The following PCDHGA7 variants were observed in gnomAD, a reference collection of about 807,000 sequenced individuals.
The protein encoded by PCDHGA7 is protocadherin gamma-A7.
In PCDHGA7, 44 loss-of-function variants were observed where a neutral mutation model predicts 58.3. That is an observed-to-expected ratio of 0.75 (90% CI 0.59 to 0.97). PCDHGA7 has a LOEUF of 0.97. Ranked by LOEUF, PCDHGA7 falls within the 50% of genes least tolerant of loss-of-function variation. PCDHGA7 has a pLI of 0.00. For synonymous variants in PCDHGA7, 516 were observed against 504.2 expected (o/e 1.02, Z -0.31); for missense variants, 1,266 against 1,188.7 (o/e 1.06, Z -0.96).
chr5:141,387,670 C>T, intron 1 of PCDHGA7: 1 of 694,130 alleles, frequency 1.4e-6, no homozygotes, highest in Non-Finnish European at 2.3e-6. Flanking sequence ...CGCTCCAGAT[C>T]TCCTCGCGCA....
intron 1 of PCDHGA7, chr5:141,413,154 A>G: frequency 6.3e-7 from 1 of 1,576,026 alleles, no homozygotes; most frequent in Middle Eastern, 1.7e-4. Context: ...AGGACTTTGC[A>G]GAATTCTGTA....
At chr5:141,446,447 A>G (rs2098502204) in intron 1 of PCDHGA7, among the ~76,000 whole-genome samples, 1 of 151,946 alleles carries the variant, frequency 6.6e-6, no homozygotes, top group Non-Finnish European at 1.5e-5. Context: ...AACAGTGCAG[A>G]TATTCAGTGT....
intron 1 of PCDHGA7, chr5:141,423,830 G>A (rs527344048): frequency 5.5e-6 from 7 of 1,273,204 alleles, no homozygotes; most frequent in African/African-American, 3.1e-5. Flanking sequence ...CCTTTCATGA[G>A]ATTACGATAA....
At chr5:141,419,617 C>G (rs780077182) in intron 1 of PCDHGA7, 1 of 1,612,280 alleles carries the variant, frequency 6.2e-7, no homozygotes. Flanking sequence ...AGCCAGGCTA[C>G]CTGGTGACCA....
chr5:141,421,188 C>T lies in PCDHGA7; in HGVS notation c.2424+35865C>T, dbSNP rs1364019876. 2.0e-6 allele frequency: 3 copies of T among 1,471,410 alleles called. No individual in the cohort carries two copies. The South Asian group carries it at 4.0e-5, about 20-fold the overall frequency. The allele number at this position is 1,471,410 out of a possible 1,614,324, so 91.1% of individuals were successfully genotyped here. A position where few individuals can be genotyped will look rare whatever the true frequency, so the allele number is the denominator to read the frequency against. The stretch of plus-strand genomic sequence containing the variant: ...GATACATAAGCCGATTCACAACCAA[C>T]CAGCTCGAGAAACCGCGGAATATCG... On this transcript the variant is annotated intron_variant, in intron 1 of 3. Coordinates refer to ENST00000518325, the MANE Select transcript of PCDHGA7 (RefSeq NM_018920.4).
At chr5:141,400,441 G>T (rs757449650) in intron 1 of PCDHGA7, 29 of 1,613,966 alleles carry the variant, frequency 1.8e-5, no homozygotes, top group Non-Finnish European at 2.1e-5. Flanking sequence ...ATTGAGTTCA[G>T]GACAAGACAT....
rs767577725 is a variant in PCDHGA7 at position 141,485,642 on chromosome 5, G to T, written c.2425-9165G>T. 4.3e-6 allele frequency: 7 copies of T among 1,612,162 alleles called. No homozygotes were observed. The highest frequency in any genetic ancestry group is 1.7e-5 in the Admixed American group (1 of 59,938). ...AGGACAGCGTTTCCCGTTGGAAAAGGCTCAGGATGCAGATGTGGGGAGCAA... is the reference window on the plus strand; with the variant it reads ...AGGACAGCGTTTCCCGTTGGAAAAGTCTCAGGATGCAGATGTGGGGAGCAA... On this transcript the variant is annotated intron_variant, in intron 1 of 3. Coordinates refer to ENST00000518325, the MANE Select transcript of PCDHGA7 (RefSeq NM_018920.4). This position sits in a 1 kb window ranked among gnomAD's most constrained non-coding sequence, Gnocchi z 5.7.
chr5:141,490,890 G>C lies in PCDHGA7; in HGVS notation c.2425-3917G>C, dbSNP rs751713801. The C allele has an allele frequency of 9.9e-6, 16 of 1,613,306 alleles. No homozygotes were observed. The South Asian group carries it at 1.2e-4, about 12-fold the overall frequency. On this transcript the variant is annotated intron_variant, in intron 1 of 3. Transcript: ENST00000518325. This position sits in a 1 kb window ranked among gnomAD's most constrained non-coding sequence, Gnocchi z 5.4. ...CCCCATTGCATGCCAACACATCTCT[G>C]CATGTGTTTGTCCTAGACGAGAATG...
rs1289513674 is a variant in PCDHGA7 at position 141,432,063 on chromosome 5, A to T, written c.2424+46740A>T. On this transcript the variant is annotated intron_variant, in intron 1 of 3. Coordinates refer to ENST00000518325, the MANE Select transcript of PCDHGA7 (RefSeq NM_018920.4). The surrounding 1 kb of genome is among the most constrained non-coding windows in gnomAD (Gnocchi z 6.0). ...CGGGGAACCCCGCCCCTATCCACGG[A>T]AACTCATATCTCGCTGAACGTGGCA... The T allele has an allele frequency of 8.7e-6, 14 of 1,614,134 alleles. No individual in the cohort carries two copies. The highest frequency in any genetic ancestry group is 1.2e-5 in the Non-Finnish European group (14 of 1,180,028).
chr5:141,420,934 C>T, intron 1 of PCDHGA7: 1 of 377,936 alleles, frequency 2.6e-6, no homozygotes, highest in South Asian at 5.3e-5. Context: ...TGAGCGTAAT[C>T]ATTTCTTCTG....
chr5:141,506,109 A>G (rs1027886504), intron 3 of PCDHGA7, among the ~76,000 whole-genome samples: 5 of 152,126 alleles, frequency 3.3e-5, no homozygotes, highest in Middle Eastern at 3.2e-3. Flanking sequence ...GTCCCTGAAG[A>G]GTCACTAGGG....
chr5:141,393,136 C>A (rs1188231861), intron 1 of PCDHGA7: 3 of 1,613,306 alleles, frequency 1.9e-6, no homozygotes, highest in Admixed American at 1.7e-5. Flanking sequence ...AATATTAACA[C>A]CCTGGTTGAG....
intron 1 of PCDHGA7, among the ~76,000 whole-genome samples, chr5:141,464,251 C>T (rs1438610569): frequency 1.4e-5 from 2 of 141,396 alleles, no homozygotes; most frequent in Admixed American, 7.5e-5. Flanking sequence ...GGCTACAGAG[C>T]GAGACTCCGT....
chr5:141,432,630 G>A lies in PCDHGA7; in HGVS notation c.2424+47307G>A, dbSNP rs1278355878. On this transcript the variant is annotated intron_variant, in intron 1 of 3. Coordinates refer to ENST00000518325, the MANE Select transcript of PCDHGA7 (RefSeq NM_018920.4). This position sits in a 1 kb window ranked among gnomAD's most constrained non-coding sequence, Gnocchi z 6.0. ...CTCTTCTCGGTGGGTCTGCACACGG[G>A]CGAGGTGCGCACGGCGCGAGCCCTG... 3.7e-6 allele frequency: 6 copies of A among 1,612,782 alleles called. No homozygotes were observed. Among genetic ancestry groups the A allele is most frequent in the Non-Finnish European group, 5.1e-6 (6 of 1,179,682 alleles).
intron 1 of PCDHGA7, among the ~76,000 whole-genome samples, chr5:141,450,968 G>A (rs756891993): frequency 5.5e-4 from 84 of 151,848 alleles, no homozygotes; most frequent in Non-Finnish European, 9.0e-4. Context: ...GGGATTACAG[G>A]CATGTGCCAC....
At chr5:141,472,455 G>A (rs191633108) in intron 1 of PCDHGA7, among the ~76,000 whole-genome samples, 2 of 151,972 alleles carry the variant, frequency 1.3e-5, no homozygotes, top group South Asian at 2.1e-4. Context: ...CAGGAGAATC[G>A]CTTGAACCCA....
intron 1 of PCDHGA7, chr5:141,423,756 GGGGGT>G: frequency 1.1e-5 from 5 of 448,566 alleles, no homozygotes; most frequent in African/African-American, 2.8e-5. Context: ...TGTTTGGGGG[GGGGGT>G]GGGGCGGCAT....
At chr5:141,456,574 T>G (rs373414652) in intron 1 of PCDHGA7, among the ~76,000 whole-genome samples, 3 of 152,198 alleles carry the variant, frequency 2.0e-5, no homozygotes, top group South Asian at 4.1e-4. Flanking sequence ...ACATTTTCCC[T>G]GAGCCTGTCA....
chr5:141,476,912 G>A lies in PCDHGA7; in HGVS notation c.2425-17895G>A, dbSNP rs1196222770. 1.9e-6 allele frequency: 3 copies of A among 1,614,098 alleles called. No homozygotes were observed. Among genetic ancestry groups the A allele is most frequent in the Non-Finnish European group, 2.5e-6 (3 of 1,180,048 alleles). On this transcript the variant is annotated intron_variant, in intron 1 of 3. Coordinates refer to ENST00000518325, the MANE Select transcript of PCDHGA7 (RefSeq NM_018920.4). The surrounding 1 kb of genome is among the most constrained non-coding windows in gnomAD (Gnocchi z 7.6). Reference sequence around the variant, plus strand: ...ACCCTCCGGCACGCGCGTGGTACAAGTCCTTGCAACGGATCTGGATGAAGG... The same window carrying A: ...ACCCTCCGGCACGCGCGTGGTACAAATCCTTGCAACGGATCTGGATGAAGG...
Sources: gnomAD v4.1 joint callset for allele counts (sites outside exome capture counted in the v4.1 genomes callset) on GRCh38, gnomAD v4.1.1 for gene constraint, Gnocchi (gnomAD v3.1) non-coding constraint, MANE v1.5 for transcripts, NCBI Gene and HGNC (gene_info 2026-07-23, HGNC 2026-07-21) for gene names.